HUWE1: variants seen among roughly 807,000 people sequenced by gnomAD.
HUWE1 encodes E3 ubiquitin-protein ligase HUWE1.
HUWE1 carries 18 observed loss-of-function variants against 299.4 expected under a neutral mutation model. The observed-to-expected ratio is 0.06, with a 90% CI of 0.04 to 0.09. The LOEUF is 0.09. Ranked by LOEUF, HUWE1 falls within the 10% of genes least tolerant of loss-of-function variation. The pLI, the probability that HUWE1 is intolerant of heterozygous loss-of-function variation, is 1.00. For synonymous variants in HUWE1, 1,317 were observed against 1,286.1 expected (o/e 1.02, Z -0.51); for missense variants, 1,832 against 3,462.3 (o/e 0.53, Z 11.82).
intron 15 of HUWE1, among the ~76,000 whole-genome samples, 170 bp from the exon 16 acceptor site, chrX:53,628,049 C>T (rs781789351): frequency 1.8e-5 from 2 of 111,320 alleles, no homozygotes; most frequent in East Asian, 2.8e-4. Flanking sequence ...ATGACTTCTG[C>T]GACTCAACCT....
chrX:53,591,509 T>C (rs1163763028), intron 33 of HUWE1, among the ~76,000 whole-genome samples: 1 of 112,113 alleles, frequency 8.9e-6, no homozygotes, highest in African/African-American at 3.2e-5. Flanking sequence ...CTAGTTAATC[T>C]ACTACCAGGC....
At chrX:53,565,286 G>A in intron 49 of HUWE1, 47 bp from the exon 50 acceptor site, 1 of 1,054,266 alleles carries the variant, frequency 9.5e-7, no homozygotes, top group African/African-American at 1.8e-5. Flanking sequence ...AGAAATACTA[G>A]GTGTCTATCT....
intron 7 of HUWE1, among the ~76,000 whole-genome samples, chrX:53,639,834 A>G (rs1477869678): frequency 8.9e-6 from 1 of 112,497 alleles, no homozygotes; most frequent in Non-Finnish European, 1.9e-5. Context: ...GATGGCATTA[A>G]CCCTACAGGT....
Position 53,602,628 on chromosome X carries a change from T to C in HUWE1, c.2907A>G (p.Ala969=). 8.4e-7 allele frequency: 1 copy of C among 1,190,826 alleles called. No individual in the cohort carries two copies. The highest frequency in any genetic ancestry group is 1.1e-6 in the Non-Finnish European group (1 of 877,522). The change falls in exon 28 of 84, where the codon GCA becomes GCG. Residue 969 remains alanine (A), a synonymous_variant. Transcript: ENST00000262854. The stretch of plus-strand genomic sequence containing the variant: ...CCTTTGGAACCAGTTTCTGCATATC[T>C]GCCTGGCCAAATTCACACCCAGATG... ...SLPSGCEFGQ[A]DMQKLVPKDE... is the part of the protein sequence containing the mutation.
intron 43 of HUWE1, among the ~76,000 whole-genome samples, chrX:53,579,538 G>A (rs963761669): frequency 9.1e-6 from 1 of 109,958 alleles, no homozygotes; most frequent in Non-Finnish European, 1.9e-5. Context: ...TTGAGAAATC[G>A]GATGGTTGCC....
At chrX:53,618,385 A>G in intron 19 of HUWE1, among the ~76,000 whole-genome samples, 1 of 111,022 alleles carries the variant, frequency 9.0e-6, no homozygotes, top group Non-Finnish European at 1.9e-5. Flanking sequence ...GAAATAATAT[A>G]AATTAGAAAA....
intron 3 of HUWE1, among the ~76,000 whole-genome samples, chrX:53,674,642 T>C (rs782672398): frequency 1.1e-4 from 12 of 112,210 alleles, no homozygotes; most frequent in Admixed American, 7.5e-4. Flanking sequence ...AACAAAACTC[T>C]GTGACATTCT....
intron 50 of HUWE1, 47 bp from the exon 51 acceptor site, chrX:53,564,769 G>T: frequency 3.3e-6 from 4 of 1,203,563 alleles, no homozygotes; most frequent in Non-Finnish European, 4.5e-6. Flanking sequence ...GTGCCTATGT[G>T]CTGGGCACCA....
At chrX:53,623,124 C>G (rs1374439265) in intron 19 of HUWE1, among the ~76,000 whole-genome samples, 1 of 111,194 alleles carries the variant, frequency 9.0e-6, no homozygotes, top group African/African-American at 3.3e-5. Context: ...TGGCATCATC[C>G]TCATAGGGCT....
chrX:53,588,371 C>T lies in HUWE1; in HGVS notation c.4614+11G>A. The T allele has an allele frequency of 1.7e-6, 2 of 1,205,962 alleles. No individual in the cohort carries two copies. The highest frequency in any genetic ancestry group is 2.2e-6 in the Non-Finnish European group (2 of 892,291). On this transcript the variant is annotated intron_variant, in intron 37 of 83. Coordinates refer to ENST00000262854, the MANE Select transcript of HUWE1 (RefSeq NM_031407.7). ...GAATGAATTACAAGGCCCCAAAGAT[C>T]TAAATCTTACCTCAAAAAGTAGCGT...
chrX:53,585,594 TAGA>T (rs2063818363), intron 39 of HUWE1, among the ~76,000 whole-genome samples: 1 of 112,369 alleles, frequency 8.9e-6, no homozygotes, highest in Admixed American at 9.4e-5. Context: ...CCTTCTGCAA[TAGA>T]AGGATGCAGC....
In HUWE1 at chrX:53,552,297, T is replaced by C. The variant is rs782633512; in HGVS notation, c.8881+14A>G. The C allele has an allele frequency of 5.8e-6, 7 of 1,211,133 alleles. No homozygotes were observed. The highest frequency in any genetic ancestry group is 5.3e-5 in the South Asian group (3 of 56,970). ...AAACAATCCCAGGATGACCTGGGCA[T>C]ACACGGAACTCACCCGCAAGGGGAT... On this transcript the variant is annotated intron_variant, in intron 63 of 83. Coordinates refer to ENST00000262854, the MANE Select transcript of HUWE1 (RefSeq NM_031407.7).
chrX:53,545,601 T>C (rs1040152715), intron 70 of HUWE1, among the ~76,000 whole-genome samples: 2 of 111,948 alleles, frequency 1.8e-5, no homozygotes, highest in Non-Finnish European at 1.9e-5. Flanking sequence ...GAGATAATTA[T>C]ATGGTAGAGT....
chrX:53,538,722 A>ACTCT lies in HUWE1; in HGVS notation c.11878+112_11878+113insAGAG, dbSNP rs879987418. On this transcript the variant is annotated intron_variant, in intron 76 of 83. Coordinates refer to ENST00000262854, the MANE Select transcript of HUWE1 (RefSeq NM_031407.7). ...TACACACACACACACACACACACAC[A>ACTCT]CACTCTCTCTCTCTCTCTCTCTCTC... 36,022 of 383,582 alleles carry ACTCT rather than the reference A, an allele frequency of 0.094. 1,496 individuals carry two copies. The highest frequency in any genetic ancestry group is 0.17 in the East Asian group (2,888 of 17,129). 31.6% of individuals were successfully genotyped at this position (383,582 alleles called of 1,213,427 possible). A position where few individuals can be genotyped will look rare whatever the true frequency, so the allele number is the denominator to read the frequency against.
intron 11 of HUWE1, 78 bp from the exon 12 acceptor site, chrX:53,631,112 A>C (rs2066848450): frequency 3.1e-6 from 2 of 641,211 alleles, no homozygotes; most frequent in Non-Finnish European, 5.2e-6. Flanking sequence ...AACTCAAAAA[A>C]CAACACAACT....
chrX:53,647,830 G>A (rs1194731621), intron 5 of HUWE1, among the ~76,000 whole-genome samples: 26 of 111,923 alleles, frequency 2.3e-4, no homozygotes, highest in Admixed American at 2.1e-3. Flanking sequence ...GGAGAACTCC[G>A]GTTACATTCT....
chrX:53,672,563 T>G (rs1262225706), intron 3 of HUWE1, among the ~76,000 whole-genome samples: 1 of 111,461 alleles, frequency 9.0e-6, no homozygotes, highest in Non-Finnish European at 1.9e-5. Context: ...CCGGCTGAGA[T>G]GTCCTCATTC....
At chrX:53,629,146 G>C (rs782812752) in intron 13 of HUWE1, among the ~76,000 whole-genome samples, 2 of 111,196 alleles carry the variant, frequency 1.8e-5, no homozygotes, top group Non-Finnish European at 3.8e-5. Flanking sequence ...AGGCAAACAA[G>C]TATAAGCCTG....
intron 3 of HUWE1, among the ~76,000 whole-genome samples, chrX:53,666,670 C>T (rs1331528378): frequency 4.5e-5 from 5 of 110,973 alleles, no homozygotes; most frequent in Non-Finnish European, 9.4e-5. Flanking sequence ...TATGATATTA[C>T]ATAATATTTC....
Sources: gnomAD v4.1 joint callset for allele counts (sites outside exome capture counted in the v4.1 genomes callset) on GRCh38, gnomAD v4.1.1 for gene constraint, MANE v1.5 for transcripts, NCBI Gene and HGNC (gene_info 2026-07-23, HGNC 2026-07-21) for gene names.